The following SENP6 variants were observed in gnomAD, a reference collection of about 807,000 sequenced individuals.
SENP6 encodes the protein SUMO specific peptidase 6.
Under a neutral mutation model 134.5 loss-of-function variants are expected in SENP6, and 41 were observed. The observed-to-expected ratio is 0.30, with a 90% CI of 0.24 to 0.40. The LOEUF is 0.40. Ranked by LOEUF, SENP6 falls within the 10% of genes least tolerant of loss-of-function variation. The pLI is 1.00. For missense variants in SENP6, 1,248 were observed against 1,312.5 expected (o/e 0.95, Z 0.76); for synonymous variants, 395 against 429.8 (o/e 0.92, Z 1.00).
chr6:75,677,105 T>C lies in SENP6; in HGVS notation c.1697T>C (p.Ile566Thr). Residue 566 changes from isoleucine (I) to threonine (T), a missense_variant, in exon 14 of 24, where the codon ATC becomes ACC. Coordinates refer to ENST00000447266, the MANE Select transcript of SENP6 (RefSeq NM_015571.4). ...DPPANMVFES[I>T]INEIGIKNNI... ...CCGGCAAATATGGTATTTGAAAGTA[T>C]CATTAATGAAATTGGTATAAAGAAT... 6.2e-7 allele frequency: 1 copy of C among 1,608,926 alleles called. No individual in the cohort carries two copies. The highest frequency in any genetic ancestry group is 8.5e-7 in the Non-Finnish European group (1 of 1,176,046).
intron 17 of SENP6, among the ~76,000 whole-genome samples, chr6:75,697,111 C>T (rs908139482): frequency 1.3e-5 from 2 of 152,104 alleles, no homozygotes; most frequent in Non-Finnish European, 2.9e-5. Flanking sequence ...CTACACCTCT[C>T]AATATAGTTG....
At chr6:75,700,830 A>G (rs1774976510) in intron 18 of SENP6, among the ~76,000 whole-genome samples, 1 of 152,214 alleles carries the variant, frequency 6.6e-6, no homozygotes, top group South Asian at 2.1e-4. Flanking sequence ...ACATTGCAAC[A>G]TGTCTAAAGT....
At chr6:75,683,230 C>T (rs1773588455) in intron 16 of SENP6, among the ~76,000 whole-genome samples, 1 of 151,994 alleles carries the variant, frequency 6.6e-6, no homozygotes, top group South Asian at 2.1e-4. Context: ...CTGTTCATAT[C>T]CTTTGCCCAT....
At chr6:75,630,558 T>A (rs889877500) in intron 3 of SENP6, among the ~76,000 whole-genome samples, 1 of 152,150 alleles carries the variant, frequency 6.6e-6, no homozygotes, top group African/African-American at 2.4e-5. Context: ...TTTTCTCAGG[T>A]CCATATGGAT....
intron 1 of SENP6, 144 bp downstream of exon 1, chr6:75,602,720 T>A: frequency 1.1e-6 from 1 of 893,256 alleles, no homozygotes; most frequent in South Asian, 1.7e-5. Context: ...GGGGAGGGAG[T>A]GTGCTGCGAG....
At chr6:75,661,334 T>G (rs1480008331) in intron 8 of SENP6, among the ~76,000 whole-genome samples, 1 of 152,240 alleles carries the variant, frequency 6.6e-6, no homozygotes, top group Non-Finnish European at 1.5e-5. Flanking sequence ...TAAGTTTGGC[T>G]CAGGCCATGC....
At chr6:75,623,165 A>G (rs2149830325) in intron 2 of SENP6, among the ~76,000 whole-genome samples, 1 of 151,874 alleles carries the variant, frequency 6.6e-6, no homozygotes, top group Admixed American at 6.5e-5. Flanking sequence ...GTCTTCGAAA[A>G]CGTTGTATTT....
intron 16 of SENP6, among the ~76,000 whole-genome samples, chr6:75,691,163 G>A (rs553022587): frequency 6.9e-6 from 1 of 144,480 alleles, no homozygotes; most frequent in African/African-American, 2.7e-5. Flanking sequence ...TTTTTTCAAA[G>A]ACAGATTCTT....
chr6:75,680,501 T>G (rs1178032627), intron 16 of SENP6, among the ~76,000 whole-genome samples: 1 of 152,148 alleles, frequency 6.6e-6, no homozygotes, highest in East Asian at 1.9e-4. Context: ...TTTTAAGAGA[T>G]AGACCGGGAA....
intron 18 of SENP6, among the ~76,000 whole-genome samples, chr6:75,701,633 C>T (rs1367718897): frequency 2.7e-4 from 22 of 80,136 alleles, no homozygotes; most frequent in Admixed American, 5.8e-4. Context: ...ACAGTTTAAT[C>T]TTTTTTTTTT....
chr6:75,678,354 T>A, intron 14 of SENP6: 1 of 393,232 alleles, frequency 2.5e-6, no homozygotes, highest in Non-Finnish European at 4.5e-6. Context: ...ACTGGAAAAT[T>A]ACTGTTACAT....
intron 10 of SENP6, among the ~76,000 whole-genome samples, chr6:75,670,167 G>C (rs947176420): frequency 6.6e-6 from 1 of 152,038 alleles, no homozygotes; most frequent in African/African-American, 2.4e-5. Flanking sequence ...GGCTAGTCTC[G>C]AACTCCTGAC....
intron 1 of SENP6, among the ~76,000 whole-genome samples, chr6:75,609,843 C>T (rs1366043066): frequency 6.6e-6 from 1 of 152,102 alleles, no homozygotes; most frequent in Non-Finnish European, 1.5e-5. Context: ...GTAGTGGCGC[C>T]ATCTCAGCTC....
At chr6:75,617,559 G>A (rs182589608) in intron 1 of SENP6, among the ~76,000 whole-genome samples, 5 of 151,988 alleles carry the variant, frequency 3.3e-5, no homozygotes, top group African/African-American at 1.2e-4. Context: ...ATTACAGGCA[G>A]GAGCCACTGT....
intron 1 of SENP6, among the ~76,000 whole-genome samples, chr6:75,617,941 A>C (rs1767985449): frequency 6.6e-6 from 1 of 152,158 alleles, no homozygotes; most frequent in East Asian, 1.9e-4. Flanking sequence ...CTTATGATTA[A>C]ACTGGGATTA....
Position 75,604,625 on chromosome 6 carries a change from C to CAA in SENP6, c.52+2059_52+2060dup, listed in dbSNP as rs536476652. ...GGGCAACTGAGCGAGATTCTGTCTC[C>CAA]AAAAAAAAAAAGCATAAGGAAAAGG... On this transcript the variant is annotated intron_variant, in intron 1 of 23. Transcript: ENST00000447266. Among the ~76,000 whole-genome samples, 699 of 134,352 alleles carry CAA rather than the reference C, an allele frequency of 5.2e-3. 5 individuals are homozygous for CAA. Among genetic ancestry groups the CAA allele is most frequent in the Middle Eastern group, 0.016 (4 of 254 alleles). 88.1% of individuals were successfully genotyped at this position (134,352 alleles called of 152,430 possible). A position where few individuals can be genotyped will look rare whatever the true frequency, so the allele number is the denominator to read the frequency against.
chr6:75,703,344 T>C (rs1228621002), intron 19 of SENP6, among the ~76,000 whole-genome samples: 3 of 152,050 alleles, frequency 2.0e-5, no homozygotes, highest in Non-Finnish European at 2.9e-5. Context: ...AACAATATAG[T>C]AACACAACTT....
rs16886792 is a variant in SENP6 at position 75,663,286 on chromosome 6, G to A, written c.762G>A (p.Thr254=). 4,682 of 1,613,482 alleles carry A rather than the reference G, an allele frequency of 2.9e-3. 123 individuals are homozygous for A. In the African/African-American group the frequency reaches 0.055, roughly 19 times the overall value. The part of the protein sequence containing the change: ...LNESTGPLLR[T]SIHQNSGGQK... The stretch of plus-strand genomic sequence containing the variant: ...AGTCTACTGGACCATTATTAAGAAC[G>A]TCAATTCATCAGAATTCTGGAGGAC... Residue 254 remains threonine (T), a synonymous_variant, in exon 9 of 24, where the codon ACG becomes ACA. Coordinates refer to ENST00000447266, the MANE Select transcript of SENP6 (RefSeq NM_015571.4).
At chr6:75,623,473 G>C (rs778281329) in intron 2 of SENP6, among the ~76,000 whole-genome samples, 1 of 152,066 alleles carries the variant, frequency 6.6e-6, no homozygotes. Flanking sequence ...CTTTTCATTA[G>C]CTAAGGCTTT....
Sources: allele counts gnomAD v4.1 joint callset (sites outside exome capture counted in the v4.1 genomes callset), GRCh38; gene constraint gnomAD v4.1.1; transcripts MANE v1.5; gene names NCBI Gene and HGNC (gene_info 2026-07-23, HGNC 2026-07-21).